DLG1: variants seen among roughly 807,000 people sequenced by gnomAD.
DLG1 encodes discs large MAGUK scaffold protein 1, also known as disks large homolog 1.
Under a neutral mutation model 123.4 loss-of-function variants are expected in DLG1, and 42 were observed. That is an observed-to-expected ratio of 0.34 (90% confidence interval 0.27 to 0.44). The LOEUF (loss-of-function observed/expected upper bound fraction) is 0.44. Among genes scored for constraint, DLG1 ranks in the 20% least tolerant of loss-of-function variants. The probability of loss-of-function intolerance (pLI) is 1.00; values close to 1 mark genes in which losing one functional copy is unlikely to be tolerated. For missense variants in DLG1, 942 were observed against 1,082.6 expected (o/e 0.87, Z 1.82); for synonymous variants, 317 against 356.2 (o/e 0.89, Z 1.24).
chr3:197,293,036 G>T (rs1775692979), intron 3 of DLG1, among the ~76,000 whole-genome samples: 1 of 152,062 alleles, frequency 6.6e-6, no homozygotes, highest in African/African-American at 2.4e-5. Flanking sequence ...TGAATACCTG[G>T]GCTCTGATTA....
intron 9 of DLG1, 151 bp from the exon 10 acceptor site, chr3:197,136,829 G>A: frequency 1.7e-6 from 1 of 600,932 alleles, no homozygotes; most frequent in Non-Finnish European, 2.7e-6. Flanking sequence ...TATATGTTCT[G>A]CAATCAAGGG....
intron 6 of DLG1, among the ~76,000 whole-genome samples, chr3:197,144,429 T>C (rs1341549788): frequency 6.6e-5 from 10 of 152,166 alleles, no homozygotes; most frequent in Admixed American, 6.5e-4. Context: ...TGAATAAGGC[T>C]ATTTGGACCT....
chr3:197,284,449 GT>G (rs1282548120), intron 3 of DLG1, among the ~76,000 whole-genome samples: 1 of 152,054 alleles, frequency 6.6e-6, no homozygotes, highest in Non-Finnish European at 1.5e-5. Flanking sequence ...TAAAATGATA[GT>G]CTTTCAATAA....
intron 4 of DLG1, among the ~76,000 whole-genome samples, chr3:197,215,482 T>C (rs994500051): frequency 6.6e-6 from 1 of 152,096 alleles, no homozygotes; most frequent in Non-Finnish European, 1.5e-5. Context: ...TATGTAAGGA[T>C]AGTCAAAACA....
chr3:197,106,064 T>C (rs1766151490), intron 13 of DLG1, among the ~76,000 whole-genome samples: 1 of 152,230 alleles, frequency 6.6e-6, no homozygotes, highest in Non-Finnish European at 1.5e-5. Flanking sequence ...AAAGATCTGA[T>C]GTTTTATATT....
intron 24 of DLG1, among the ~76,000 whole-genome samples, chr3:197,047,916 T>C (rs55733804): frequency 0.34 from 51,147 of 151,680 alleles, 10,097 homozygotes; most frequent in East Asian, 0.72. Context: ...AGTGGGATAT[T>C]AAATAAAAAA....
At chr3:197,145,284 T>C (rs1790182681) in intron 6 of DLG1, among the ~76,000 whole-genome samples, 1 of 152,220 alleles carries the variant, frequency 6.6e-6, no homozygotes, top group Non-Finnish European at 1.5e-5. Flanking sequence ...GCTAAAAGTC[T>C]ATCAGTCTTT....
intron 14 of DLG1, among the ~76,000 whole-genome samples, chr3:197,100,408 A>G (rs932730969): frequency 2.0e-5 from 3 of 152,216 alleles, no homozygotes; most frequent in African/African-American, 7.2e-5. Context: ...TTATGCCACC[A>G]AACAGTTTTT....
rs781036385 is a variant in DLG1, at chr3:197,042,634, G to GTGAC, written c.*1985_*1988dup. ...ATAACCACTTGATATTTTACAACATGTGACTATTTGGTAAATACTTCAAAA... is the reference window on the plus strand; with the variant it reads ...ATAACCACTTGATATTTTACAACATGTGACTGACTATTTGGTAAATACTTCAAAA... On this transcript the variant is annotated 3_prime_UTR_variant, in exon 25 of 25. Coordinates refer to ENST00000667157, the MANE Select transcript of DLG1 (RefSeq NM_001366207.1). The GTGAC allele has an allele frequency of 6.6e-6, 1 of 152,178 alleles. No homozygotes were observed. Among genetic ancestry groups the GTGAC allele is most frequent in the East Asian group, 1.9e-4 (1 of 5,206 alleles). 9.4% of individuals were successfully genotyped at this position (152,178 alleles called of 1,614,324 possible).
At chr3:197,217,450 G>C (rs1734684017) in intron 4 of DLG1, among the ~76,000 whole-genome samples, 1 of 152,044 alleles carries the variant, frequency 6.6e-6, no homozygotes, top group Admixed American at 6.5e-5. Context: ...ATTAAAATTT[G>C]GAATCAGTAT....
chr3:197,152,970 G>A (rs1794705004), intron 5 of DLG1, among the ~76,000 whole-genome samples: 1 of 152,032 alleles, frequency 6.6e-6, no homozygotes, highest in African/African-American at 2.4e-5. Context: ...TTTAAAATAG[G>A]TCAAAATAGT....
chr3:197,143,719 T>C (rs1789237386), intron 6 of DLG1, among the ~76,000 whole-genome samples: 1 of 152,172 alleles, frequency 6.6e-6, no homozygotes, highest in Non-Finnish European at 1.5e-5. Flanking sequence ...AGGCCTTACA[T>C]ACCAACCCTT....
Position 197,297,915 on chromosome 3 carries a change from C to G in DLG1, c.-32+621G>C, listed in dbSNP as rs1041222213. On this transcript the variant is annotated intron_variant, in intron 1 of 24. Coordinates refer to ENST00000667157, the MANE Select transcript of DLG1 (RefSeq NM_001366207.1). Reference sequence around the variant, plus strand: ...CCCGCCCCGCCCGGGGCCCGCGGAGCCGAGCGGAGGGGGCGAAGGGACGGG... The same window carrying G: ...CCCGCCCCGCCCGGGGCCCGCGGAGGCGAGCGGAGGGGGCGAAGGGACGGG... 9.1e-6 allele frequency: 9 copies of G among 984,384 alleles called. No individual in the cohort carries two copies. The Admixed American group carries it at 3.1e-4, about 34-fold the overall frequency. 61.0% of individuals were successfully genotyped at this position (984,384 alleles called of 1,614,324 possible).
At position 197,054,098 on chromosome 3, in the gene DLG1, AAAAC is replaced by A. The variant is rs761929087; in HGVS notation, c.2484-2434_2484-2431del. On this transcript the variant is annotated intron_variant, in intron 23 of 24. Transcript: ENST00000667157. Reference sequence around the variant, plus strand: ...GTGACAAAGCGAGACCTTGTCTCAAAAAACAAACAAACAAAAACAGTGACTGATA... The same window carrying A: ...GTGACAAAGCGAGACCTTGTCTCAAAAAACAAACAAAAACAGTGACTGATA... Among the ~76,000 whole-genome samples the A allele has an allele frequency of 2.1e-4, 32 of 152,316 alleles. No individual in the cohort carries two copies. The East Asian group carries it at 2.7e-3, about 13-fold the overall frequency.
chr3:197,128,009 T>C (rs1260330006), intron 11 of DLG1, among the ~76,000 whole-genome samples: 2 of 152,198 alleles, frequency 1.3e-5, no homozygotes, highest in Non-Finnish European at 2.9e-5. Context: ...GCCTTGATAC[T>C]GAGGGTGGTA....
intron 5 of DLG1, among the ~76,000 whole-genome samples, chr3:197,179,005 C>T (rs138584389): frequency 3.2e-4 from 49 of 152,192 alleles, no homozygotes; most frequent in African/African-American, 1.1e-3. Context: ...AAAGGGACTA[C>T]GATCTAGTAC....
At chr3:197,098,966 T>C (rs1485400426) in intron 14 of DLG1, among the ~76,000 whole-genome samples, 1 of 152,262 alleles carries the variant, frequency 6.6e-6, no homozygotes, top group African/African-American at 2.4e-5. Flanking sequence ...ACCTTTTCCT[T>C]TTGTTTCAAT....
rs1316650337 is a variant in DLG1, at chr3:197,043,446, CTCA to C, written c.*1174_*1176del. On this transcript the variant is annotated 3_prime_UTR_variant, in exon 25 of 25. Coordinates refer to ENST00000667157, the MANE Select transcript of DLG1 (RefSeq NM_001366207.1). ...ATCTAATTTCCCTAAATGTTTCCTC[CTCA>C]TGACCACCATGCCCCCATTTTCAGT... is the stretch of plus-strand genomic sequence containing the variant. 6.6e-6 allele frequency: 1 copy of C among 151,608 alleles called. No homozygotes were observed. The highest frequency in any genetic ancestry group is 1.5e-5 in the Non-Finnish European group (1 of 67,954). 9.4% of individuals were successfully genotyped at this position (151,608 alleles called of 1,614,324 possible).
intron 5 of DLG1, among the ~76,000 whole-genome samples, chr3:197,153,823 C>T (rs1271496005): frequency 1.3e-5 from 2 of 152,082 alleles, no homozygotes; most frequent in East Asian, 1.9e-4. Context: ...TACGTTTACA[C>T]CTGAGGCTGA....
Sources: allele counts gnomAD v4.1 joint callset (sites outside exome capture counted in the v4.1 genomes callset), GRCh38; gene constraint gnomAD v4.1.1; transcripts MANE v1.5; gene names NCBI Gene and HGNC (gene_info 2026-07-23, HGNC 2026-07-21).